SH3RF3: variants seen among roughly 807,000 people sequenced by gnomAD.
SH3RF3 encodes the protein SH3 domain containing ring finger 3, also known as E3 ubiquitin-protein ligase SH3RF3.
A neutral mutation model predicts 66.3 loss-of-function variants in SH3RF3; 29 were observed. That is an observed-to-expected ratio of 0.44 (90% CI 0.33 to 0.60). SH3RF3 has a LOEUF of 0.60. Among genes scored for constraint, SH3RF3 ranks in the 20% least tolerant of loss-of-function variants. The probability of loss-of-function intolerance (pLI) is 0.04; values close to 1 mark genes in which losing one functional copy is unlikely to be tolerated. For synonymous variants in SH3RF3, 583 were observed against 532.0 expected (o/e 1.10, Z -1.32); for missense variants, 1,194 against 1,190.9 (o/e 1.00, Z -0.04).
chr2:109,369,626 C>A (rs771533406), intron 2 of SH3RF3, among the ~76,000 whole-genome samples: 1 of 152,162 alleles, frequency 6.6e-6, no homozygotes, highest in Non-Finnish European at 1.5e-5. Context: ...CTGGTGGCCC[C>A]CACGCTCTAC....
chr2:109,337,606 C>T (rs1682454261), intron 1 of SH3RF3, among the ~76,000 whole-genome samples: 1 of 152,142 alleles, frequency 6.6e-6, no homozygotes, highest in African/African-American at 2.4e-5. Flanking sequence ...CTAGGAAGTC[C>T]ATCCTCCATT....
rs575238496 is a variant in SH3RF3 at position 109,369,694 on chromosome 2, A to T, written c.850-1892A>T. ...GCATGGGAGGAGCTTCCCAGCACAG[A>T]GCCCAGCCTGCCCTCCTTCTGTGTG... On this transcript the variant is annotated intron_variant, in intron 2 of 9. Coordinates refer to ENST00000309415, the MANE Select transcript of SH3RF3 (RefSeq NM_001099289.3). Among the ~76,000 whole-genome samples, 4 of 152,234 alleles carry T rather than the reference A, an allele frequency of 2.6e-5. No homozygotes were observed. In the South Asian group the frequency reaches 8.3e-4, roughly 32 times the overall value.
At chr2:109,265,026 C>A (rs1330094203) in intron 1 of SH3RF3, among the ~76,000 whole-genome samples, 2 of 152,226 alleles carry the variant, frequency 1.3e-5, no homozygotes, top group African/African-American at 4.8e-5. Flanking sequence ...GCCTGGGGAA[C>A]CTGGCCAGCT....
intron 8 of SH3RF3, among the ~76,000 whole-genome samples, chr2:109,484,034 A>G (rs942185536): frequency 5.4e-5 from 8 of 148,652 alleles, no homozygotes; most frequent in Admixed American, 2.7e-4. Context: ...AGTTGGCCCT[A>G]GAGGCACCAA....
In SH3RF3 at chr2:109,404,346, C is replaced by T. The variant is rs116180161; in HGVS notation, c.1299+5403C>T. 3.5e-3 allele frequency among the ~76,000 whole-genome samples: 535 copies of T among 152,272 alleles called. 6 individuals are homozygous for T. Among genetic ancestry groups the T allele is most frequent in the African/African-American group, 0.012 (495 of 41,560 alleles). ...AGCTGGGAGCTGTGTAAGGTGAGCT[C>T]GAGGCCTGGCGGGGAGTGGGGTGCC... On this transcript the variant is annotated intron_variant, in intron 4 of 9. Transcript: ENST00000309415.
chr2:109,422,713 A>C (rs1676915339), intron 5 of SH3RF3, among the ~76,000 whole-genome samples: 1 of 152,216 alleles, frequency 6.6e-6, no homozygotes, highest in African/African-American at 2.4e-5. Context: ...GGGCACAGCC[A>C]ACCCACCCAG....
At chr2:109,206,490 CAAAAAAAAAAA>C (rs36060217) in intron 1 of SH3RF3, among the ~76,000 whole-genome samples, 1 of 40,756 alleles carries the variant, frequency 2.5e-5, no homozygotes. Context: ...GACTCCGTCT[CAAAAAAAAAAA>C]AAAAAAAAAA....
chr2:109,130,131 C>T lies in SH3RF3; in HGVS notation c.573+18C>T, dbSNP rs763068474. 2 of 1,285,344 alleles carry T rather than the reference C, an allele frequency of 1.6e-6. No individual in the cohort carries two copies. The highest frequency in any genetic ancestry group is 2.0e-6 in the Non-Finnish European group (2 of 1,018,642). The allele number at this position is 1,285,344 out of a possible 1,614,324, so 79.6% of individuals were successfully genotyped here. A position where few individuals can be genotyped will look rare whatever the true frequency, so the allele number is the denominator to read the frequency against. On this transcript the variant is annotated intron_variant, in intron 1 of 9. Transcript: ENST00000309415. ...CGGCAAAGGTGAGTATCTGTCTCGG[C>T]GGAAGTGGCCACGGCACGTGGGAGT... is the stretch of plus-strand genomic sequence containing the variant.
Position 109,331,646 on chromosome 2 carries a change from A to G in SH3RF3, c.574-16028A>G, listed in dbSNP as rs140068011. 6.7e-4 allele frequency among the ~76,000 whole-genome samples: 102 copies of G among 152,282 alleles called. 1 individual carries two copies. The highest frequency in any genetic ancestry group is 2.4e-3 in the African/African-American group (100 of 41,552). On this transcript the variant is annotated intron_variant, in intron 1 of 9. Transcript: ENST00000309415. ...ATTTTGTGTATGTCTCTGTCCCCTTATAAAGTGTATGCTCCCTTAAGGTAG... is the reference window on the plus strand; with the variant it reads ...ATTTTGTGTATGTCTCTGTCCCCTTGTAAAGTGTATGCTCCCTTAAGGTAG...
chr2:109,346,440 G>C (rs994519970), intron 1 of SH3RF3, among the ~76,000 whole-genome samples: 3 of 152,158 alleles, frequency 2.0e-5, no homozygotes, highest in African/African-American at 7.2e-5. Context: ...CCTTGGCATA[G>C]GCAGCCCTGG....
intron 1 of SH3RF3, among the ~76,000 whole-genome samples, chr2:109,257,819 G>A (rs1295367260): frequency 1.3e-5 from 2 of 152,180 alleles, no homozygotes; most frequent in Non-Finnish European, 2.9e-5. Flanking sequence ...GCCTGTTTAA[G>A]TGGAGGCTTT....
At chr2:109,144,429 C>T (rs1053073190) in intron 1 of SH3RF3, among the ~76,000 whole-genome samples, 1 of 152,156 alleles carries the variant, frequency 6.6e-6, no homozygotes, top group Non-Finnish European at 1.5e-5. Context: ...TTCACCATGA[C>T]GTCTCTAGGT....
chr2:109,380,250 T>A (rs1341316282), intron 3 of SH3RF3, among the ~76,000 whole-genome samples: 1 of 152,198 alleles, frequency 6.6e-6, no homozygotes, highest in African/African-American at 2.4e-5. Flanking sequence ...CTTCGTGAAA[T>A]TAACATCTTA....
intron 1 of SH3RF3, among the ~76,000 whole-genome samples, chr2:109,150,766 T>A (rs1677208737): frequency 6.6e-6 from 1 of 151,976 alleles, no homozygotes; most frequent in Non-Finnish European, 1.5e-5. Context: ...TCTGTTCTGA[T>A]CTCCTCAAAT....
At chr2:109,445,150 A>G (rs1370013718) in intron 7 of SH3RF3, among the ~76,000 whole-genome samples, 1 of 152,070 alleles carries the variant, frequency 6.6e-6, no homozygotes, top group Admixed American at 6.5e-5. Context: ...TACAGAGCAG[A>G]GATGAAAAAT....
intron 1 of SH3RF3, among the ~76,000 whole-genome samples, chr2:109,200,550 C>T (rs564147846): frequency 2.0e-5 from 3 of 152,294 alleles, no homozygotes; most frequent in South Asian, 4.1e-4. Flanking sequence ...TCCAGGCTCC[C>T]GGCCTCCAGC....
intron 1 of SH3RF3, among the ~76,000 whole-genome samples, chr2:109,134,773 C>T (rs1238330663): frequency 6.6e-6 from 1 of 152,168 alleles, no homozygotes; most frequent in Non-Finnish European, 1.5e-5. Context: ...AAGCAGTGGC[C>T]ACCCCTTCCA....
chr2:109,350,676 G>T (rs539649644), intron 2 of SH3RF3, among the ~76,000 whole-genome samples: 1 of 152,140 alleles, frequency 6.6e-6, no homozygotes, highest in Non-Finnish European at 1.5e-5. Context: ...CGGTGGGTCC[G>T]ACCCACCTTA....
intron 1 of SH3RF3, among the ~76,000 whole-genome samples, chr2:109,276,444 C>T (rs549285344): frequency 8.2e-4 from 125 of 152,268 alleles, no homozygotes; most frequent in African/African-American, 2.7e-3. Context: ...GACTGTCCTC[C>T]GGGACCCAGG....
Sources: allele counts gnomAD v4.1 joint callset (sites outside exome capture counted in the v4.1 genomes callset), GRCh38; gene constraint gnomAD v4.1.1; transcripts MANE v1.5; gene names NCBI Gene and HGNC (gene_info 2026-07-23, HGNC 2026-07-21).